The following GRM1 variants were observed in gnomAD, a reference collection of about 807,000 sequenced individuals.
The protein encoded by GRM1 is metabotropic glutamate receptor 1.
A neutral mutation model predicts 90.9 loss-of-function variants in GRM1; 33 were observed. The ratio of observed to expected loss-of-function variants is 0.36; its 90% CI spans 0.28 to 0.49. The LOEUF is 0.49. GRM1 is among the 20% of genes least tolerant of loss of function. The pLI, the probability that GRM1 is intolerant of heterozygous loss-of-function variation, is 0.99. For missense variants in GRM1, 1,190 were observed against 1,534.3 expected (o/e 0.78, Z 3.75); for synonymous variants, 700 against 613.2 (o/e 1.14, Z -2.09).
intron 3 of GRM1, among the ~76,000 whole-genome samples, chr6:146,329,713 C>T (rs1784520215): frequency 1.3e-5 from 2 of 152,120 alleles, no homozygotes; most frequent in Non-Finnish European, 2.9e-5. Context: ...TTGAATACAC[C>T]TAACCTGCCA....
At chr6:146,421,832 A>G (rs1778006336) in intron 7 of GRM1, among the ~76,000 whole-genome samples, 1 of 152,126 alleles carries the variant, frequency 6.6e-6, no homozygotes, top group African/African-American at 2.4e-5. Context: ...AAAAATTTCC[A>G]TTTACAGAGA....
intron 3 of GRM1, among the ~76,000 whole-genome samples, chr6:146,305,499 A>ATG (rs1783544342): frequency 6.6e-6 from 1 of 152,172 alleles, no homozygotes; most frequent in Non-Finnish European, 1.5e-5. Flanking sequence ...TGAAAACTGT[A>ATG]ACTTTTATGA....
At chr6:146,256,580 T>A (rs1402156056) in intron 2 of GRM1, among the ~76,000 whole-genome samples, 7 of 152,150 alleles carry the variant, frequency 4.6e-5, no homozygotes, top group Non-Finnish European at 1.0e-4. Context: ...GGAAGTTGAT[T>A]GTGTTGCACT....
At chr6:146,388,201 C>G (rs1366882493) in intron 6 of GRM1, among the ~76,000 whole-genome samples, 4 of 152,052 alleles carry the variant, frequency 2.6e-5, no homozygotes, top group Non-Finnish European at 5.9e-5. Context: ...TCTGAATAAT[C>G]TAGCCCCTCG....
intron 2 of GRM1, among the ~76,000 whole-genome samples, chr6:146,208,485 A>C (rs1181170791): frequency 1.3e-5 from 2 of 152,156 alleles, no homozygotes; most frequent in African/African-American, 4.8e-5. Context: ...AAAGTGTTAA[A>C]TATGTTCCCC....
At chr6:146,256,557 G>A (rs1170221955) in intron 2 of GRM1, among the ~76,000 whole-genome samples, 1 of 151,988 alleles carries the variant, frequency 6.6e-6, no homozygotes, top group East Asian at 1.9e-4. Flanking sequence ...TCTAAGGCTA[G>A]GGCTCTATAT....
chr6:146,305,899 T>C (rs1441819964), intron 3 of GRM1, among the ~76,000 whole-genome samples: 1 of 152,144 alleles, frequency 6.6e-6, no homozygotes, highest in East Asian at 1.9e-4. Flanking sequence ...ATCACATACA[T>C]GAAATAGACA....
chr6:146,080,772 G>A (rs1017762924), intron 1 of GRM1, among the ~76,000 whole-genome samples: 8 of 152,216 alleles, frequency 5.3e-5, no homozygotes, highest in African/African-American at 1.9e-4. Context: ...TGGGTCGGAA[G>A]CAATAAAGTA....
intron 5 of GRM1, among the ~76,000 whole-genome samples, chr6:146,379,881 C>T (rs1431747231): frequency 2.0e-5 from 3 of 151,890 alleles, no homozygotes; most frequent in Non-Finnish European, 4.4e-5. Context: ...TCTGGGTTAC[C>T]AGAGACTCTT....
At chr6:146,349,946 C>T (rs1488439152) in intron 3 of GRM1, among the ~76,000 whole-genome samples, 3 of 152,112 alleles carry the variant, frequency 2.0e-5, no homozygotes, top group African/African-American at 7.2e-5. Flanking sequence ...AGTTAGAAGG[C>T]ACCTGACTTA....
chr6:146,067,074 C>A (rs1432558418), intron 1 of GRM1, among the ~76,000 whole-genome samples: 1 of 152,134 alleles, frequency 6.6e-6, no homozygotes, highest in African/African-American at 2.4e-5. Flanking sequence ...TTCTCAAAAC[C>A]CATTTTAGTT....
intron 2 of GRM1, among the ~76,000 whole-genome samples, chr6:146,247,955 A>G (rs1209235545): frequency 6.6e-6 from 1 of 151,320 alleles, no homozygotes; most frequent in Non-Finnish European, 1.5e-5. Flanking sequence ...TACATTTTAG[A>G]GCCTCATCAA....
Position 146,133,821 on chromosome 6 carries a change from C to T in GRM1, c.701-25527C>T, listed in dbSNP as rs548020347. Among the ~76,000 whole-genome samples the T allele has an allele frequency of 9.9e-4, 150 of 152,254 alleles. 1 individual carries two copies. Among genetic ancestry groups the T allele is most frequent in the Non-Finnish European group, 1.6e-3 (109 of 68,016 alleles). On this transcript the variant is annotated intron_variant, in intron 1 of 7. Transcript: ENST00000282753. ...CAGAAGGATCTGTGGAACCAAAGCA[C>T]GTTAGGATATCAGGGCTTTAATGGG...
chr6:146,271,159 C>A (rs979869692), intron 2 of GRM1, among the ~76,000 whole-genome samples: 3 of 151,868 alleles, frequency 2.0e-5, no homozygotes, highest in African/African-American at 4.8e-5. Flanking sequence ...CACATGCCAC[C>A]ATGCCCAGCT....
chr6:146,328,026 C>A (rs925308048), intron 3 of GRM1, among the ~76,000 whole-genome samples: 5 of 152,082 alleles, frequency 3.3e-5, no homozygotes, highest in African/African-American at 1.2e-4. Context: ...CTGTTTTTTC[C>A]TACATCACAA....
intron 2 of GRM1, among the ~76,000 whole-genome samples, chr6:146,233,514 G>A (rs1780517607): frequency 6.6e-6 from 1 of 151,880 alleles, no homozygotes; most frequent in African/African-American, 2.4e-5. Context: ...TTTTACTTAA[G>A]CCAAAATATT....
At chr6:146,103,775 G>A (rs142131601) in intron 1 of GRM1, among the ~76,000 whole-genome samples, 1 of 152,306 alleles carries the variant, frequency 6.6e-6, no homozygotes, top group East Asian at 1.9e-4. Context: ...CCTTCTCAGG[G>A]ATGCAGAGAT....
At chr6:146,359,976 T>G (rs1265771531) in intron 5 of GRM1, among the ~76,000 whole-genome samples, 2 of 142,904 alleles carry the variant, frequency 1.4e-5, no homozygotes, top group Non-Finnish European at 3.0e-5. Context: ...CCTTGGGAGG[T>G]ATGGAAACAA....
intron 3 of GRM1, among the ~76,000 whole-genome samples, chr6:146,306,106 T>C (rs938887874): frequency 6.6e-5 from 10 of 152,202 alleles, no homozygotes; most frequent in Admixed American, 6.5e-4. Context: ...CTGGTATGGA[T>C]CTATTTTCAA....
Sources: allele counts gnomAD v4.1 joint callset (sites outside exome capture counted in the v4.1 genomes callset), GRCh38; gene constraint gnomAD v4.1.1; transcripts MANE v1.5; gene names NCBI Gene and HGNC (gene_info 2026-07-23, HGNC 2026-07-21).